OXNAD1: variants seen among roughly 807,000 people sequenced by gnomAD.
The protein encoded by OXNAD1 is oxidoreductase NAD binding domain containing 1.
In OXNAD1, 34 loss-of-function variants were observed where a neutral mutation model predicts 32.9. The observed-to-expected ratio is 1.03, with a 90% CI of 0.79 to 1.38. The LOEUF (loss-of-function observed/expected upper bound fraction) is 1.38. Among genes scored for constraint, OXNAD1 ranks in the 40% most tolerant of loss-of-function variants. OXNAD1 has a pLI of 0.00. For missense variants in OXNAD1, 407 were observed against 379.4 expected (o/e 1.07, Z -0.60); for synonymous variants, 134 against 135.2 (o/e 0.99, Z 0.06).
chr3:16,270,739 T>G (rs1385463893), intron 2 of OXNAD1, among the ~76,000 whole-genome samples: 1 of 152,136 alleles, frequency 6.6e-6, no homozygotes, highest in Non-Finnish European at 1.5e-5. Context: ...CTTATATACA[T>G]AATTGTGGAG....
rs1192197090 is a variant in OXNAD1, at chr3:16,271,091, G to T, written c.119+20G>T. On this transcript the variant is annotated intron_variant, in intron 3 of 8. Coordinates refer to ENST00000285083, the MANE Select transcript of OXNAD1 (RefSeq NM_138381.5). The surrounding 1 kb of genome is among the most constrained non-coding windows in gnomAD (Gnocchi z 4.6). ...AACCAGGTGAGTCATTAAGACTTCT[G>T]TGTCATTTGAAGTTAATTTTCAAAG... 4.3e-6 allele frequency: 7 copies of T among 1,611,406 alleles called. No homozygotes were observed. Among genetic ancestry groups the T allele is most frequent in the African/African-American group, 1.3e-5 (1 of 74,880 alleles).
At chr3:16,293,434 T>C (rs1002817186) in intron 5 of OXNAD1, among the ~76,000 whole-genome samples, 5 of 152,256 alleles carry the variant, frequency 3.3e-5, no homozygotes, top group Non-Finnish European at 7.3e-5. Flanking sequence ...TACATTAGTA[T>C]TTTCTATATA....
At position 16,303,817 on chromosome 3, in the gene OXNAD1, T is replaced by G; in HGVS notation, c.*255T>G. The G allele has an allele frequency of 3.2e-6, 1 of 316,764 alleles. No homozygotes were observed. Among genetic ancestry groups the G allele is most frequent in the South Asian group, 6.1e-5 (1 of 16,308 alleles). The allele number at this position is 316,764 out of a possible 1,614,324, so 19.6% of individuals were successfully genotyped here. A position where few individuals can be genotyped will look rare whatever the true frequency, so the allele number is the denominator to read the frequency against. On this transcript the variant is annotated 3_prime_UTR_variant, in exon 9 of 9. Transcript: ENST00000285083. This position sits in a 1 kb window ranked among gnomAD's most constrained non-coding sequence, Gnocchi z 4.8. Reference sequence around the variant, plus strand: ...TAACAACGATTTAATTGTCTCATGATGTACCATGATTGGTCAGTATAGATT... The same window carrying G: ...TAACAACGATTTAATTGTCTCATGAGGTACCATGATTGGTCAGTATAGATT...
In OXNAD1 at chr3:16,271,568, A is replaced by G. The variant is rs2064945020; in HGVS notation, c.120-91A>G. ...TATAGGATCTGTAATGTTACACTGT[A>G]TTTAGGATAACCATGATATTTCAGG... On this transcript the variant is annotated intron_variant, in intron 3 of 8. Transcript: ENST00000285083. The surrounding 1 kb of genome is among the most constrained non-coding windows in gnomAD (Gnocchi z 4.6). 2 of 1,080,474 alleles carry G rather than the reference A, an allele frequency of 1.9e-6. No homozygotes were observed. Among genetic ancestry groups the G allele is most frequent in the Non-Finnish European group, 2.7e-6 (2 of 753,276 alleles). 66.9% of individuals were successfully genotyped at this position (1,080,474 alleles called of 1,614,324 possible). A position where few individuals can be genotyped will look rare whatever the true frequency, so the allele number is the denominator to read the frequency against.
rs886253253 is a variant in OXNAD1, at chr3:16,322,312, T to G, written c.*31-14800T>G. ...CTTCAAGTCACCATTGCTTTGGCAC[T>G]CCTTCCACAAGTGGGCTCCCCCTGG... On this transcript the variant is annotated intron_variant, in intron 9 of 9. Coordinates refer to the OXNAD1 transcript ENST00000435829. The surrounding 1 kb of genome is among the most constrained non-coding windows in gnomAD (Gnocchi z 6.2). 2.6e-5 allele frequency among the ~76,000 whole-genome samples: 4 copies of G among 152,200 alleles called. No homozygotes were observed. Among genetic ancestry groups the G allele is most frequent in the Non-Finnish European group, 5.9e-5 (4 of 68,034 alleles).
At chr3:16,281,873 G>T (rs2065763460) in intron 4 of OXNAD1, among the ~76,000 whole-genome samples, 1 of 148,594 alleles carries the variant, frequency 6.7e-6, no homozygotes, top group African/African-American at 2.5e-5. Context: ...AGAAAAAAAT[G>T]AATGTTTATA....
rs1270315325 is a variant in OXNAD1, at chr3:16,324,612, G to GCCCCC, written c.*31-12500_*31-12499insCCCCC. Among the ~76,000 whole-genome samples, 22 of 71,046 alleles carry GCCCCC rather than the reference G, an allele frequency of 3.1e-4. 1 individual carries two copies. Among genetic ancestry groups the GCCCCC allele is most frequent in the African/African-American group, 1.2e-3 (19 of 16,466 alleles). 46.6% of individuals were successfully genotyped at this position (71,046 alleles called of 152,430 possible). A position where few individuals can be genotyped will look rare whatever the true frequency, so the allele number is the denominator to read the frequency against. On this transcript the variant is annotated intron_variant, in intron 9 of 9. Transcript: ENST00000435829. ...TTGTAATAAATAACAGAATGTCCCT[G>GCCCCC]ACCCCCCCCCTTTTAAGGTTGCATA...
chr3:16,303,550 G>A lies in OXNAD1; in HGVS notation c.927G>A (p.Glu309=). The change falls in exon 9 of 9, where the codon GAG becomes GAA. Residue 309 remains glutamate, a synonymous_variant. Coordinates refer to ENST00000285083, the MANE Select transcript of OXNAD1 (RefSeq NM_138381.5). This position sits in a 1 kb window ranked among gnomAD's most constrained non-coding sequence, Gnocchi z 4.8. ...TACCCAAAGAACACATTTGCTTTGA[G>A]AAGTGGTGGTAGGAGGCAGACAAAG... ...NHVPKEHICF[E]KWW The A allele has an allele frequency of 6.2e-7, 1 of 1,613,880 alleles. No homozygotes were observed. Among genetic ancestry groups the A allele is most frequent in the Non-Finnish European group, 8.5e-7 (1 of 1,179,890 alleles).
intron 2 of OXNAD1, among the ~76,000 whole-genome samples, chr3:16,270,084 A>C (rs1295082744): frequency 6.6e-6 from 1 of 152,252 alleles, no homozygotes; most frequent in Non-Finnish European, 1.5e-5. Context: ...AAGTACAAAC[A>C]GAAAACTACA....
At chr3:16,339,234 T>C (rs921899601), downstream of OXNAD1, 4 of 152,258 alleles carry the variant, frequency 2.6e-5, no homozygotes, top group African/African-American at 9.6e-5. Context: ...ATTCTCTTTG[T>C]GGTGACTCAA....
At position 16,298,246 on chromosome 3, in the gene OXNAD1, G is replaced by A. The variant is rs1366952956; in HGVS notation, c.432+3249G>A. On this transcript the variant is annotated intron_variant, in intron 6 of 8. Transcript: ENST00000285083. This position sits in a 1 kb window ranked among gnomAD's most constrained non-coding sequence, Gnocchi z 5.1. Reference sequence around the variant, plus strand: ...AGAGGTGCTAAAATATGCTGCTGGGGTGAGAGCAACGAGGTATCTGCATGC... The same window carrying A: ...AGAGGTGCTAAAATATGCTGCTGGGATGAGAGCAACGAGGTATCTGCATGC... Among the ~76,000 whole-genome samples, 3 of 152,100 alleles carry A rather than the reference G, an allele frequency of 2.0e-5. No homozygotes were observed. The highest frequency in any genetic ancestry group is 4.4e-5 in the Non-Finnish European group (3 of 68,022).
intron 4 of OXNAD1, among the ~76,000 whole-genome samples, chr3:16,282,353 CT>C (rs2065803366): frequency 7.4e-6 from 1 of 135,964 alleles, no homozygotes; most frequent in South Asian, 2.4e-4. Flanking sequence ...TTCTCTTCCC[CT>C]ATCCACCCAG....
chr3:16,329,612 C>T lies in OXNAD1; in HGVS notation c.*31-7500C>T, dbSNP rs775439578. On this transcript the variant is annotated intron_variant, in intron 9 of 9. Transcript: ENST00000435829. The surrounding 1 kb of genome is among the most constrained non-coding windows in gnomAD (Gnocchi z 4.5). ...TGCTGGGTGCCACGCTCACCACCTG[C>T]TGAAGGAGTCCTGAGGCTGCTTTAT... Among the ~76,000 whole-genome samples, 8 of 152,178 alleles carry T rather than the reference C, an allele frequency of 5.3e-5. No homozygotes were observed. Among genetic ancestry groups the T allele is most frequent in the Admixed American group, 2.6e-4 (4 of 15,284 alleles).
rs534203508 is a variant in OXNAD1, at chr3:16,289,009, G to T, written c.290+2561G>T. 4.1e-4 allele frequency among the ~76,000 whole-genome samples: 63 copies of T among 152,324 alleles called. No individual in the cohort carries two copies. Among genetic ancestry groups the T allele is most frequent in the African/African-American group, 1.4e-3 (59 of 41,572 alleles). Reference sequence around the variant, plus strand: ...CAGCTCACATGCTTGCTTTCTACCAGCCAGCTCTGTGATGTGGTCAGTTTC... The same window carrying T: ...CAGCTCACATGCTTGCTTTCTACCATCCAGCTCTGTGATGTGGTCAGTTTC... On this transcript the variant is annotated intron_variant, in intron 5 of 8. Coordinates refer to ENST00000285083, the MANE Select transcript of OXNAD1 (RefSeq NM_138381.5). The surrounding 1 kb of genome is among the most constrained non-coding windows in gnomAD (Gnocchi z 4.9).
chr3:16,325,855 A>G (rs750444507), intron 9 of OXNAD1, among the ~76,000 whole-genome samples: 1 of 152,338 alleles, frequency 6.6e-6, no homozygotes, highest in East Asian at 1.9e-4. Context: ...CATGCTGTCC[A>G]TCACTCTGCA....
rs2066869175 is a variant in OXNAD1 at position 16,297,338 on chromosome 3, T to C, written c.432+2341T>C. Among the ~76,000 whole-genome samples, 1 of 152,154 alleles carries C rather than the reference T, an allele frequency of 6.6e-6. No individual in the cohort carries two copies. Among genetic ancestry groups the C allele is most frequent in the Non-Finnish European group, 1.5e-5 (1 of 68,024 alleles). On this transcript the variant is annotated intron_variant, in intron 6 of 8. Coordinates refer to ENST00000285083, the MANE Select transcript of OXNAD1 (RefSeq NM_138381.5). This position sits in a 1 kb window ranked among gnomAD's most constrained non-coding sequence, Gnocchi z 4.3. ...TGTCTAAAATTAAAAATATTGACAA[T>C]ACCAAGCGTTGGCAAGGATGTGGAG... is the stretch of plus-strand genomic sequence containing the variant.
Position 16,302,843 on chromosome 3 carries a change from T to C in OXNAD1, c.784+95T>C, listed in dbSNP as rs1368326336. On this transcript the variant is annotated intron_variant, in intron 8 of 8. Coordinates refer to ENST00000285083, the MANE Select transcript of OXNAD1 (RefSeq NM_138381.5). The surrounding 1 kb of genome is among the most constrained non-coding windows in gnomAD (Gnocchi z 4.2). ...TAGATGCTTTATTGTTGGAAGCTGC[T>C]GGCTGGGAATGTCACTATCTGGGGA... is the stretch of plus-strand genomic sequence containing the variant. The C allele has an allele frequency of 1.1e-6, 1 of 892,432 alleles. No homozygotes were observed. Among genetic ancestry groups the C allele is most frequent in the African/African-American group, 1.7e-5 (1 of 58,730 alleles). 55.3% of individuals were successfully genotyped at this position (892,432 alleles called of 1,614,324 possible).
In OXNAD1 at chr3:16,280,580, T is replaced by G. The variant is rs1327538469; in HGVS notation, c.184-5762T>G. On this transcript the variant is annotated intron_variant, in intron 4 of 8. Coordinates refer to ENST00000285083, the MANE Select transcript of OXNAD1 (RefSeq NM_138381.5). The surrounding 1 kb of genome is among the most constrained non-coding windows in gnomAD (Gnocchi z 4.5). ...GATAATGACTAAAGTTTCCTTCAATTCTGAAATTCTCTGAACCATACCTAC... is the reference window on the plus strand; with the variant it reads ...GATAATGACTAAAGTTTCCTTCAATGCTGAAATTCTCTGAACCATACCTAC... 4.6e-5 allele frequency among the ~76,000 whole-genome samples: 7 copies of G among 152,136 alleles called. No individual in the cohort carries two copies. The highest frequency in any genetic ancestry group is 7.3e-5 in the Non-Finnish European group (5 of 68,030).
At chr3:16,308,567 C>T (rs917981389), downstream of OXNAD1, among the ~76,000 whole-genome samples, 4 of 152,178 alleles carry the variant, frequency 2.6e-5, no homozygotes, top group African/African-American at 7.2e-5. This position sits in a 1 kb window ranked among gnomAD's most constrained non-coding sequence, Gnocchi z 4.4. Context: ...TTTTAAAACT[C>T]AAAAGAAGTA....
Sources: allele counts gnomAD v4.1 joint callset (sites outside exome capture counted in the v4.1 genomes callset), GRCh38; gene constraint gnomAD v4.1.1; non-coding constraint Gnocchi (gnomAD v3.1); transcripts MANE v1.5; gene names NCBI Gene and HGNC (gene_info 2026-07-23, HGNC 2026-07-21).